The following NPHP4 variants were observed in gnomAD, a reference collection of about 807,000 sequenced individuals.
The protein encoded by NPHP4 is nephrocystin-4.
In NPHP4, 151 loss-of-function variants were observed where a neutral mutation model predicts 155.8. The observed-to-expected ratio is 0.97, with a 90% confidence interval of 0.85 to 1.11. The LOEUF is 1.11. NPHP4 is among the 50% of genes least tolerant of loss of function. The probability of loss-of-function intolerance (pLI) is 0.00; values close to 1 mark genes in which losing one functional copy is unlikely to be tolerated. For synonymous variants in NPHP4, 845 were observed against 816.8 expected, an observed-to-expected ratio of 1.03 and a Z score of -0.59; for missense variants, 1,956 against 1,925.7, an observed-to-expected ratio of 1.02 and a Z score of -0.29.
intron 25 of NPHP4, among the ~76,000 whole-genome samples, 197 bp downstream of exon 25, chr1:5,866,833 C>T (rs1036669344): frequency 9.9e-5 from 15 of 152,186 alleles, no homozygotes; most frequent in African/African-American, 3.1e-4. Context: ...AGGAGCTGAT[C>T]TGCTAGTAGA....
At chr1:5,939,410 C>T (rs1156730633) in intron 9 of NPHP4, among the ~76,000 whole-genome samples, 2 of 152,356 alleles carry the variant, frequency 1.3e-5, no homozygotes, top group East Asian at 3.9e-4. Flanking sequence ...GTGTAAAGCT[C>T]TCCGCCCTCT....
intron 23 of NPHP4, among the ~76,000 whole-genome samples, chr1:5,868,996 C>G (rs577263814): frequency 1.1e-4 from 16 of 143,492 alleles, no homozygotes; most frequent in Admixed American, 4.8e-4. Flanking sequence ...CACACATGCA[C>G]ACACACGCAC....
chr1:5,914,342 G>A (rs1645352534), intron 11 of NPHP4, among the ~76,000 whole-genome samples: 1 of 149,878 alleles, frequency 6.7e-6, no homozygotes, highest in Non-Finnish European at 1.5e-5. Context: ...GCAGAAGTGG[G>A]AAGATCACTT....
intron 23 of NPHP4, among the ~76,000 whole-genome samples, chr1:5,868,530 CCA>C (rs924776580): frequency 1.1e-4 from 17 of 151,316 alleles, no homozygotes; most frequent in Admixed American, 9.8e-4. Context: ...ACACACGCAC[CCA>C]CACACACGCA....
chr1:5,952,690 G>T lies in NPHP4; in HGVS notation c.810+10C>A. Reference sequence around the variant, plus strand: ...CCACCCTGCCCCCCATCACGCTTCTGACTCCACACCTCCTGGAAGTGGTCC... The same window carrying T: ...CCACCCTGCCCCCCATCACGCTTCTTACTCCACACCTCCTGGAAGTGGTCC... On this transcript the variant is annotated intron_variant, in intron 7 of 29. Coordinates refer to ENST00000378156, the MANE Select transcript of NPHP4 (RefSeq NM_015102.5). 1 of 1,528,548 alleles carries T rather than the reference G, an allele frequency of 6.5e-7. No individual in the cohort carries two copies. Among genetic ancestry groups the T allele is most frequent in the Non-Finnish European group, 8.8e-7 (1 of 1,132,158 alleles). 94.7% of individuals were successfully genotyped at this position (1,528,548 alleles called of 1,614,324 possible). A position where few individuals can be genotyped will look rare whatever the true frequency, so the allele number is the denominator to read the frequency against.
intron 22 of NPHP4, 85 bp downstream of exon 22, chr1:5,874,386 G>T: frequency 7.8e-7 from 1 of 1,284,466 alleles, no homozygotes. Flanking sequence ...AGGTAAGGGA[G>T]GGACACTGGT....
At chr1:5,936,318 G>A (rs577955140) in intron 9 of NPHP4, among the ~76,000 whole-genome samples, 4 of 152,332 alleles carry the variant, frequency 2.6e-5, no homozygotes, top group Non-Finnish European at 5.9e-5. Flanking sequence ...GCCCACACTT[G>A]CTCACTGCCA....
intron 11 of NPHP4, among the ~76,000 whole-genome samples, chr1:5,915,110 G>A (rs530858609): frequency 6.6e-6 from 1 of 152,364 alleles, no homozygotes; most frequent in South Asian, 2.1e-4. Flanking sequence ...TTCCGTGGGA[G>A]AGAGAAGTCC....
chr1:5,963,246 T>C (rs1258157912), intron 5 of NPHP4, among the ~76,000 whole-genome samples: 8 of 151,964 alleles, frequency 5.3e-5, no homozygotes, highest in Admixed American at 5.2e-4. Context: ...AATACAAAAA[T>C]TACCCAGGCG....
chr1:5,918,644 C>A (rs942957339), intron 11 of NPHP4, among the ~76,000 whole-genome samples: 1 of 152,092 alleles, frequency 6.6e-6, no homozygotes, highest in Non-Finnish European at 1.5e-5. Flanking sequence ...AAGGAAGAGT[C>A]CTCCCAAGAT....
chr1:5,953,130 G>A (rs1444526890), intron 6 of NPHP4, among the ~76,000 whole-genome samples: 1 of 151,992 alleles, frequency 6.6e-6, no homozygotes. Flanking sequence ...GCTTTGAGAC[G>A]GAGTCTCGTT....
chr1:5,871,442 A>G (rs544589140), intron 23 of NPHP4, among the ~76,000 whole-genome samples: 3 of 152,336 alleles, frequency 2.0e-5, no homozygotes, highest in African/African-American at 7.2e-5. Context: ...TTATTTGAAA[A>G]TTGATAAAGG....
In NPHP4 at chr1:5,882,995, T is replaced by G. The variant is rs1415328812; in HGVS notation, c.2486-2756A>C. The G allele has an allele frequency of 6.6e-6, 1 of 152,314 alleles. No homozygotes were observed. The allele number at this position is 152,314 out of a possible 1,614,324, so 9.4% of individuals were successfully genotyped here. On this transcript the variant is annotated intron_variant, in intron 18 of 29. Coordinates refer to ENST00000378156, the MANE Select transcript of NPHP4 (RefSeq NM_015102.5). The surrounding 1 kb of genome is among the most constrained non-coding windows in gnomAD (Gnocchi z 5.1). ...ATGCCCCATGATGGGCTGTATCTTC[T>G]GAAGCCCAGGAAGAACAGGGCTCCC...
chr1:5,976,020 G>T (rs1653501293), intron 3 of NPHP4, among the ~76,000 whole-genome samples: 1 of 152,164 alleles, frequency 6.6e-6, no homozygotes, highest in South Asian at 2.1e-4. Context: ...GGAGGGAACT[G>T]GCCCCAGCAC....
At chr1:5,888,284 A>G (rs1471178347) in intron 17 of NPHP4, 1 of 957,450 alleles carries the variant, frequency 1.0e-6, no homozygotes, top group Non-Finnish European at 1.2e-6. Context: ...GGGGATGACA[A>G]CGGCCTCACG....
Position 5,915,604 on chromosome 1 carries a change from C to T in NPHP4, c.1442-6391G>A, listed in dbSNP as rs529466449. On this transcript the variant is annotated intron_variant, in intron 11 of 29. Transcript: ENST00000378156. ...CTGCAGGAGTCCAGATCCCAGGCAG[C>T]CCAGGACTGCAGGAGTCCAGATCGC... 3.5e-4 allele frequency among the ~76,000 whole-genome samples: 53 copies of T among 152,192 alleles called. 2 individuals carry two copies. The South Asian group carries it at 0.01, about 29-fold the overall frequency.
chr1:5,991,838 G>A (rs1480815819), intron 1 of NPHP4, among the ~76,000 whole-genome samples: 1 of 151,696 alleles, frequency 6.6e-6, no homozygotes, highest in Non-Finnish European at 1.5e-5. Context: ...GGCCTGGGAA[G>A]GATGCGCGCG....
At chr1:5,864,922 C>T in intron 27 of NPHP4, 180 bp downstream of exon 27, 1 of 625,026 alleles carries the variant, frequency 1.6e-6, no homozygotes, top group Non-Finnish European at 2.8e-6. Context: ...TCACTCACCC[C>T]ACAATGGCAC....
At chr1:5,881,825 C>T (rs963764487) in intron 18 of NPHP4, 6 of 152,282 alleles carry the variant, frequency 3.9e-5, no homozygotes, top group Admixed American at 6.5e-5. Flanking sequence ...CTCCTGCAGA[C>T]GAGCTGTTCT....
Sources: allele counts gnomAD v4.1 joint callset (sites outside exome capture counted in the v4.1 genomes callset), GRCh38; gene constraint gnomAD v4.1.1; non-coding constraint Gnocchi (gnomAD v3.1); transcripts MANE v1.5; gene names NCBI Gene and HGNC (gene_info 2026-07-23, HGNC 2026-07-21).